Variants in PTPN3 observed in about 807,000 individuals in gnomAD.
PTPN3 encodes the protein protein tyrosine phosphatase non-receptor type 3.
A neutral mutation model predicts 132.7 loss-of-function variants in PTPN3; 96 were observed. The ratio of observed to expected loss-of-function variants is 0.72; its 90% confidence interval spans 0.61 to 0.86. The LOEUF (loss-of-function observed/expected upper bound fraction) is 0.86, where lower values mean the gene tolerates loss of function less well. Ranked by LOEUF, PTPN3 falls within the 40% of genes least tolerant of loss-of-function variation. The pLI is 0.00. For synonymous variants in PTPN3, 398 were observed against 429.0 expected (o/e 0.93, Z 0.89); for missense variants, 1,125 against 1,159.6 (o/e 0.97, Z 0.43).
At chr9:109,485,051 A>G (rs1401574894) in intron 1 of PTPN3, among the ~76,000 whole-genome samples, 1 of 152,110 alleles carries the variant, frequency 6.6e-6, no homozygotes, top group Non-Finnish European at 1.5e-5. Flanking sequence ...CAACATGGTG[A>G]GACCCCATCT....
intron 22 of PTPN3, among the ~76,000 whole-genome samples, chr9:109,384,486 T>C (rs991308978): frequency 1.3e-5 from 2 of 152,184 alleles, no homozygotes; most frequent in Non-Finnish European, 2.9e-5. Context: ...TGTCTCTCAA[T>C]ATGGCTGTGC....
the PTPN3 span, among the ~76,000 whole-genome samples, chr9:109,504,634 A>C: frequency 6.6e-6 from 1 of 152,228 alleles, no homozygotes; most frequent in African/African-American, 2.4e-5. Flanking sequence ...GGATGGAGGG[A>C]GTTTGAAAAA....
chr9:109,428,509 G>T, intron 11 of PTPN3, 112 bp downstream of exon 11: 1 of 1,097,970 alleles, frequency 9.1e-7, no homozygotes, highest in Non-Finnish European at 1.3e-6. Flanking sequence ...TACTTGGGAG[G>T]CTGAGGCAGG....
At chr9:109,409,016 G>A (rs1216979152) in intron 16 of PTPN3, among the ~76,000 whole-genome samples, 4 of 151,578 alleles carry the variant, frequency 2.6e-5, no homozygotes, top group Non-Finnish European at 5.9e-5. Flanking sequence ...GGGGGTAGGC[G>A]ACCACCTGCC....
intron 2 of PTPN3, among the ~76,000 whole-genome samples, chr9:109,460,392 T>C (rs1199924143): frequency 1.3e-5 from 2 of 152,082 alleles, no homozygotes; most frequent in Non-Finnish European, 2.9e-5. Context: ...TCCCTCCTAT[T>C]GTCAACTGTG....
At position 109,378,014 on chromosome 9, in the gene PTPN3, G is replaced by C. The variant is rs780055293; in HGVS notation, c.*1542C>G. Reference sequence around the variant, plus strand: ...TCCATGTGGAAAAGAAACAAAGTATGCAAGTAAATATGCTAGCTCTAGAGA... The same window carrying C: ...TCCATGTGGAAAAGAAACAAAGTATCCAAGTAAATATGCTAGCTCTAGAGA... On this transcript the variant is annotated 3_prime_UTR_variant, in exon 26 of 26. Transcript: ENST00000374541. 1 of 152,182 alleles carries C rather than the reference G, an allele frequency of 6.6e-6. No individual in the cohort carries two copies. Among genetic ancestry groups the C allele is most frequent in the South Asian group, 2.1e-4 (1 of 4,826 alleles). 9.4% of individuals were successfully genotyped at this position (152,182 alleles called of 1,614,324 possible). A position where few individuals can be genotyped will look rare whatever the true frequency, so the allele number is the denominator to read the frequency against.
At chr9:109,427,843 A>C (rs1054718759) in intron 11 of PTPN3, among the ~76,000 whole-genome samples, 7 of 152,328 alleles carry the variant, frequency 4.6e-5, no homozygotes, top group African/African-American at 1.7e-4. Flanking sequence ...GTAAGTGAAA[A>C]TCATGCAGCA....
At chr9:109,383,229 G>A in intron 23 of PTPN3, 194 bp downstream of exon 23, 1 of 860,324 alleles carries the variant, frequency 1.2e-6, no homozygotes, top group Admixed American at 2.1e-5. Context: ...TGGGCTGTTT[G>A]CACCTCGTGC....
chr9:109,383,631 G>A (rs1839316902), intron 22 of PTPN3, 80 bp from the exon 23 acceptor site: 4 of 1,550,206 alleles, frequency 2.6e-6, no homozygotes, highest in African/African-American at 1.4e-5. Flanking sequence ...AGGTGGACGG[G>A]TTAGGCATCC....
At chr9:109,466,858 G>C (rs1386187482) in intron 1 of PTPN3, among the ~76,000 whole-genome samples, 1 of 152,184 alleles carries the variant, frequency 6.6e-6, no homozygotes, top group East Asian at 1.9e-4. Flanking sequence ...GGAATGACAG[G>C]GGGCACCGGT....
At position 109,388,299 on chromosome 9, in the gene PTPN3, C is replaced by T. The variant is rs117214991; in HGVS notation, c.2253+934G>A. On this transcript the variant is annotated intron_variant, in intron 22 of 25. Coordinates refer to ENST00000374541, the MANE Select transcript of PTPN3 (RefSeq NM_002829.4). ...ACAGAAGAGGGAGGAAACATGCACC[C>T]TGGATTTCAGAAGAACAGGTTTCTA... Among the ~76,000 whole-genome samples the T allele has an allele frequency of 7.4e-3, 1,128 of 152,234 alleles. 7 individuals carry two copies. The highest frequency in any genetic ancestry group is 0.013 in the Non-Finnish European group (888 of 68,026).
In PTPN3 at chr9:109,413,365, G is replaced by A. The variant is rs578046038; in HGVS notation, c.1314-2950C>T. Among the ~76,000 whole-genome samples the A allele has an allele frequency of 2.0e-4, 31 of 152,258 alleles. No homozygotes were observed. The East Asian group carries it at 2.7e-3, about 13-fold the overall frequency. On this transcript the variant is annotated intron_variant, in intron 14 of 25. Coordinates refer to ENST00000374541, the MANE Select transcript of PTPN3 (RefSeq NM_002829.4). Reference sequence around the variant, plus strand: ...TGTGTACACAGGTGCTCTGTAGGGCGCGGTGATATTCTGTTCAGTGTGCAA... The same window carrying A: ...TGTGTACACAGGTGCTCTGTAGGGCACGGTGATATTCTGTTCAGTGTGCAA...
At chr9:109,506,624 A>G in the PTPN3 span, among the ~76,000 whole-genome samples, 1 of 127,904 alleles carries the variant, frequency 7.8e-6, no homozygotes, top group Non-Finnish European at 1.6e-5. Flanking sequence ...TTTTTTTGCG[A>G]CAGGGTCTAT....
intron 24 of PTPN3, 66 bp from the exon 25 acceptor site, chr9:109,381,853 C>T (rs1839124858): frequency 6.3e-7 from 1 of 1,583,364 alleles, no homozygotes; most frequent in Non-Finnish European, 8.7e-7. Flanking sequence ...GCCCAGCGAG[C>T]AGTTCCCCGC....
chr9:109,452,581 T>TC (rs1845329233), intron 5 of PTPN3, among the ~76,000 whole-genome samples: 1 of 152,048 alleles, frequency 6.6e-6, no homozygotes, highest in Middle Eastern at 3.4e-3. Flanking sequence ...TTTTTTTTTT[T>TC]CTGCAACAGG....
At position 109,381,648 on chromosome 9, in the gene PTPN3, T is replaced by G; in HGVS notation, c.2664+4A>C. The stretch of plus-strand genomic sequence containing the variant: ...GCCACCGTAATTACTGGATTTCTAC[T>G]CACTGATGTCTGCACCATCATGGCG... On this transcript the variant is annotated splice_donor_region_variant and intron_variant, in intron 25 of 25. Coordinates refer to ENST00000374541, the MANE Select transcript of PTPN3 (RefSeq NM_002829.4). 2.5e-6 allele frequency: 4 copies of G among 1,614,168 alleles called. No homozygotes were observed. The highest frequency in any genetic ancestry group is 3.4e-6 in the Non-Finnish European group (4 of 1,179,994).
intron 16 of PTPN3, among the ~76,000 whole-genome samples, chr9:109,408,786 A>ATATATATAT (rs1420542134): frequency 1.4e-4 from 6 of 43,074 alleles, no homozygotes; most frequent in East Asian, 9.4e-4. Context: ...ATAATTAAAA[A>ATATATATAT]AAAAAAAAAA....
chr9:109,453,571 C>T (rs1588454115), intron 5 of PTPN3, among the ~76,000 whole-genome samples: 2 of 152,234 alleles, frequency 1.3e-5, no homozygotes, highest in Middle Eastern at 3.4e-3. Flanking sequence ...AGACTCCAAG[C>T]CCTGAGGGGT....
At chr9:109,474,979 T>A (rs1846579346) in intron 1 of PTPN3, among the ~76,000 whole-genome samples, 1 of 152,212 alleles carries the variant, frequency 6.6e-6, no homozygotes, top group Admixed American at 6.5e-5. Flanking sequence ...AACTTGCACC[T>A]AGCTACTATA....
Sources: gnomAD v4.1 joint callset for allele counts (sites outside exome capture counted in the v4.1 genomes callset) on GRCh38, gnomAD v4.1.1 for gene constraint, MANE v1.5 for transcripts, NCBI Gene and HGNC (gene_info 2026-07-23, HGNC 2026-07-21) for gene names.